Variants in SVIL observed in about 807,000 individuals in gnomAD.
The protein encoded by SVIL is supervillin, also known as archvillin.
Under a neutral mutation model 240.4 loss-of-function variants are expected in SVIL, and 101 were observed. That is an observed-to-expected ratio of 0.42 (90% CI 0.36 to 0.50). SVIL has a LOEUF of 0.50. Ranked by LOEUF, SVIL falls within the 20% of genes least tolerant of loss-of-function variation. The pLI is 0.01. For synonymous variants in SVIL, 999 were observed against 1,100.0 expected (o/e 0.91, Z 1.82); for missense variants, 2,512 against 2,818.7 (o/e 0.89, Z 2.46).
At chr10:29,696,233 C>G (rs558201084) in intron 1 of SVIL, among the ~76,000 whole-genome samples, 1 of 152,028 alleles carries the variant, frequency 6.6e-6, no homozygotes, top group South Asian at 2.1e-4. Context: ...GGATTGCAGA[C>G]GGAGTCTCAT....
intron 2 of SVIL, among the ~76,000 whole-genome samples, chr10:29,568,169 A>G (rs540465153): frequency 1.3e-5 from 2 of 152,280 alleles, no homozygotes; most frequent in Non-Finnish European, 2.9e-5. Context: ...ACCCTGGATC[A>G]TCATTGCTCT....
intron 1 of SVIL, among the ~76,000 whole-genome samples, chr10:29,587,321 C>T (rs553050161): frequency 6.6e-6 from 1 of 152,360 alleles, no homozygotes; most frequent in African/African-American, 2.4e-5. Context: ...GACACAAGCT[C>T]ACTGCCACCG....
intron 7 of SVIL, among the ~76,000 whole-genome samples, chr10:29,534,049 C>G (rs1951571320): frequency 6.6e-6 from 1 of 152,240 alleles, no homozygotes; most frequent in Non-Finnish European, 1.5e-5. Flanking sequence ...AGAGTATATT[C>G]ATTCATTCAG....
chr10:29,541,178 G>T (rs1186703360), intron 6 of SVIL, among the ~76,000 whole-genome samples: 1 of 152,138 alleles, frequency 6.6e-6, no homozygotes, highest in African/African-American at 2.4e-5. Context: ...CTTCCTAAAT[G>T]TTACGCTTAA....
At chr10:29,645,986 CA>C (rs1958641903) in intron 3 of SVIL, among the ~76,000 whole-genome samples, 1 of 152,236 alleles carries the variant, frequency 6.6e-6, no homozygotes, top group Non-Finnish European at 1.5e-5. Context: ...CAGCTCCCTT[CA>C]GCTTACGCTT....
At position 29,551,235 on chromosome 10, in the gene SVIL, A is replaced by G. The variant is rs3740002; in HGVS notation, c.189T>C (p.Ser63=). Residue 63 remains serine (S), a synonymous_variant, in exon 6 of 38, where the codon TCT becomes TCC. Coordinates refer to ENST00000355867, the MANE Select transcript of SVIL (RefSeq NM_021738.3). Reference sequence around the variant, plus strand: ...GAGTTTGCTTTTCTAGAGAAGAATCAGAAGTTTCCTCCTCTTCATTTGATC... The same window carrying G: ...GAGTTTGCTTTTCTAGAGAAGAATCGGAAGTTTCCTCCTCTTCATTTGATC... ...IGRSNEEEET[S]DSSLEKQTRS... The G allele has an allele frequency of 0.26, 411,136 of 1,603,724 alleles. 53,490 individuals are homozygous for G. The highest frequency in any genetic ancestry group is 0.32 in the East Asian group (14,261 of 44,712).
chr10:29,690,005 ACAAGATAGAACTT>A (rs1961380963), intron 1 of SVIL, among the ~76,000 whole-genome samples: 1 of 152,254 alleles, frequency 6.6e-6, no homozygotes, highest in South Asian at 2.1e-4. Flanking sequence ...AACGTTGGTG[ACAAGATAGAACTT>A]TCTACAGTGA....
chr10:29,735,297 G>C lies in SVIL; in HGVS notation c.-400+454C>G, dbSNP rs573156156. ...CCGCAGCTCCGGCCACTTGCGGCTG[G>C]TGTCGGGAAAGGAACCGGGCGATGT... On this transcript the variant is annotated intron_variant, in intron 1 of 35. Transcript: ENST00000375400. This position sits in a 1 kb window ranked among gnomAD's most constrained non-coding sequence, Gnocchi z 4.1. 5.3e-5 allele frequency among the ~76,000 whole-genome samples: 8 copies of C among 152,066 alleles called. No homozygotes were observed. Among genetic ancestry groups the C allele is most frequent in the African/African-American group, 1.7e-4 (7 of 41,426 alleles).
At chr10:29,689,506 G>A (rs552603532) in intron 1 of SVIL, among the ~76,000 whole-genome samples, 2 of 152,226 alleles carry the variant, frequency 1.3e-5, no homozygotes, top group South Asian at 2.1e-4. Context: ...GGCTGGTCTC[G>A]AACTCCTGAC....
chr10:29,566,091 G>A (rs1046626404), intron 2 of SVIL, among the ~76,000 whole-genome samples: 3 of 151,958 alleles, frequency 2.0e-5, no homozygotes, highest in Non-Finnish European at 4.4e-5. Context: ...AAGAGCATAC[G>A]GTCAATAACA....
chr10:29,471,278 C>G, intron 30 of SVIL, 35 bp from the exon 31 acceptor site: 1 of 1,533,920 alleles, frequency 6.5e-7, no homozygotes, highest in South Asian at 1.2e-5. Flanking sequence ...AGGTAAGGGG[C>G]GCGGGGCTTT....
In SVIL at chr10:29,474,766, G is replaced by C. The variant is rs941210192; in HGVS notation, c.5378-777C>G. Among the ~76,000 whole-genome samples the C allele has an allele frequency of 6.6e-5, 10 of 152,220 alleles. No homozygotes were observed. The East Asian group carries it at 7.7e-4, about 12-fold the overall frequency. On this transcript the variant is annotated intron_variant, in intron 29 of 37. Transcript: ENST00000355867. ...AGAAAAAATGTTAAAAACAATAGCA[G>C]GGCCAGCTTTAAGCACAAAGGAAAA...
At chr10:29,558,087 C>T (rs993498516) in intron 3 of SVIL, among the ~76,000 whole-genome samples, 6 of 152,188 alleles carry the variant, frequency 3.9e-5, no homozygotes, top group Non-Finnish European at 7.4e-5. Flanking sequence ...ACTGATTCCC[C>T]AGTACTAGAA....
rs748569135 is a variant in SVIL at position 29,555,095 on chromosome 10, T to C, written c.-37A>G. The C allele has an allele frequency of 3.1e-6, 5 of 1,609,108 alleles. No individual in the cohort carries two copies. The highest frequency in any genetic ancestry group is 4.2e-6 in the Non-Finnish European group (5 of 1,178,786). On this transcript the variant is annotated 5_prime_UTR_variant, in exon 4 of 38. Coordinates refer to ENST00000355867, the MANE Select transcript of SVIL (RefSeq NM_021738.3). Reference sequence around the variant, plus strand: ...CTTTCTTCTTTGGTTCAAAGATTTGTCTTAATTCTGCAACTGGAAGAAAAC... The same window carrying C: ...CTTTCTTCTTTGGTTCAAAGATTTGCCTTAATTCTGCAACTGGAAGAAAAC...
At chr10:29,536,382 A>G (rs1951742343) in intron 6 of SVIL, among the ~76,000 whole-genome samples, 2 of 152,200 alleles carry the variant, frequency 1.3e-5, no homozygotes, top group South Asian at 4.1e-4. Context: ...AAATCTGCAC[A>G]TGTACCCCTG....
chr10:29,639,361 G>C (rs1958410381), upstream of SVIL, among the ~76,000 whole-genome samples: 1 of 152,080 alleles, frequency 6.6e-6, no homozygotes, highest in Admixed American at 6.6e-5. Flanking sequence ...TAGTACGACG[G>C]GGTTTCACCA....
chr10:29,610,481 G>A (rs577347209), intron 1 of SVIL, among the ~76,000 whole-genome samples: 3 of 140,088 alleles, frequency 2.1e-5, no homozygotes, highest in East Asian at 2.1e-4. Flanking sequence ...ACAGGGTCTC[G>A]CTCTGTCACC....
intron 22 of SVIL, 142 bp from the exon 23 acceptor site, chr10:29,488,898 T>C (rs1309907969): frequency 2.3e-5 from 21 of 928,414 alleles, no homozygotes; most frequent in Non-Finnish European, 3.3e-5. Flanking sequence ...CAAGTTTGAT[T>C]AAATGTGCAA....
chr10:29,518,811 G>A (rs1428705223), intron 16 of SVIL, among the ~76,000 whole-genome samples: 2 of 152,158 alleles, frequency 1.3e-5, no homozygotes, highest in African/African-American at 4.8e-5. Flanking sequence ...AGCCGCGATC[G>A]TGCCTCTGCA....
Sources: allele counts gnomAD v4.1 joint callset (sites outside exome capture counted in the v4.1 genomes callset), GRCh38; gene constraint gnomAD v4.1.1; non-coding constraint Gnocchi (gnomAD v3.1); transcripts MANE v1.5; gene names NCBI Gene and HGNC (gene_info 2026-07-23, HGNC 2026-07-21).